Variants in EXOC4 observed in about 807,000 individuals in gnomAD.
The protein encoded by EXOC4 is SEC8-like 1.
Under a neutral mutation model 107.2 loss-of-function variants are expected in EXOC4, and 71 were observed. The observed-to-expected ratio is 0.66, with a 90% CI of 0.55 to 0.81. The LOEUF is 0.81. Among genes scored for constraint, EXOC4 ranks in the 30% least tolerant of loss-of-function variants. The probability of loss-of-function intolerance (pLI) is 0.00; values close to 1 mark genes in which losing one functional copy is unlikely to be tolerated. For missense variants in EXOC4, 1,108 were observed against 1,189.6 expected, an observed-to-expected ratio of 0.93 and a Z score of 1.01; for synonymous variants, 456 against 441.2, an observed-to-expected ratio of 1.03 and a Z score of -0.42.
chr7:133,877,023 C>G (rs568092758), intron 11 of EXOC4, among the ~76,000 whole-genome samples: 114 of 152,012 alleles, frequency 7.5e-4, no homozygotes, highest in Non-Finnish European at 1.3e-3. Flanking sequence ...TCTGCACCCC[C>G]CACCCCCAGT....
intron 17 of EXOC4, among the ~76,000 whole-genome samples, chr7:134,018,789 T>G (rs952172527): frequency 1.3e-5 from 2 of 152,190 alleles, no homozygotes; most frequent in African/African-American, 2.4e-5. Flanking sequence ...GTATTTTGTT[T>G]ATTTGGTTTC....
chr7:133,832,236 T>A (rs1307345420), intron 11 of EXOC4, among the ~76,000 whole-genome samples: 1 of 152,232 alleles, frequency 6.6e-6, no homozygotes, highest in Non-Finnish European at 1.5e-5. Flanking sequence ...AGACATTGTT[T>A]TACACATTTG....
chr7:133,737,909 CTTT>C (rs10673346), intron 10 of EXOC4, among the ~76,000 whole-genome samples: 351 of 89,326 alleles, frequency 3.9e-3, no homozygotes, highest in Middle Eastern at 0.013. Context: ...ATTTTTCTTT[CTTT>C]TTTTTTTTTT....
chr7:133,856,489 G>T (rs1000546791), intron 11 of EXOC4, among the ~76,000 whole-genome samples: 1 of 152,216 alleles, frequency 6.6e-6, no homozygotes, highest in Non-Finnish European at 1.5e-5. Flanking sequence ...AATTCCTTGA[G>T]TATGGAGAGA....
chr7:133,674,426 A>C (rs1268661741), intron 10 of EXOC4, among the ~76,000 whole-genome samples: 1 of 152,180 alleles, frequency 6.6e-6, no homozygotes, highest in Non-Finnish European at 1.5e-5. Context: ...TTTTATCACG[A>C]TAATTACATT....
intron 7 of EXOC4, among the ~76,000 whole-genome samples, chr7:133,449,186 G>T (rs1798285094): frequency 6.6e-6 from 1 of 152,144 alleles, no homozygotes; most frequent in African/African-American, 2.4e-5. Flanking sequence ...AATGATGGAG[G>T]CAGAGATTAG....
chr7:133,476,024 A>G (rs1799004360), intron 8 of EXOC4, among the ~76,000 whole-genome samples: 2 of 152,252 alleles, frequency 1.3e-5, no homozygotes, highest in South Asian at 4.2e-4. Context: ...AATAACTTCA[A>G]TAGTAACAAC....
rs148673934 is a variant in EXOC4, at chr7:133,362,732, GGA to G, written c.1007+6162_1007+6163del. Among the ~76,000 whole-genome samples, 888 of 152,266 alleles carry G rather than the reference GGA, an allele frequency of 5.8e-3. 9 individuals carry two copies. The highest frequency in any genetic ancestry group is 0.02 in the African/African-American group (825 of 41,556). ...TAGTATGAATACAATGTTTATGGAA[GGA>G]GAAATAAATGAAATATTGCTCATGA... On this transcript the variant is annotated intron_variant, in intron 6 of 17. Transcript: ENST00000253861.
chr7:133,335,306 G>A (rs1174066448), intron 5 of EXOC4, among the ~76,000 whole-genome samples: 1 of 152,114 alleles, frequency 6.6e-6, no homozygotes, highest in Non-Finnish European at 1.5e-5. Context: ...CCAATCTCCA[G>A]AAATATCTCA....
chr7:134,075,761 G>A, the EXOC4 span, among the ~76,000 whole-genome samples: 26 of 152,242 alleles, frequency 1.7e-4, no homozygotes, highest in East Asian at 5.0e-3. Context: ...ATGAGTAGAA[G>A]GGTGTCACTT....
chr7:133,326,801 C>G (rs1018173157), intron 5 of EXOC4, among the ~76,000 whole-genome samples: 4 of 152,212 alleles, frequency 2.6e-5, no homozygotes, highest in African/African-American at 9.6e-5. Context: ...GCCCTGCCCC[C>G]AGAGGTGCAG....
At chr7:133,675,130 A>C (rs1023775752) in intron 10 of EXOC4, among the ~76,000 whole-genome samples, 1 of 152,280 alleles carries the variant, frequency 6.6e-6, no homozygotes, top group Non-Finnish European at 1.5e-5. Context: ...CACCCATGGA[A>C]AACCCTTAGT....
At chr7:133,388,480 T>C (rs1236341444) in intron 7 of EXOC4, among the ~76,000 whole-genome samples, 1 of 152,060 alleles carries the variant, frequency 6.6e-6, no homozygotes, top group Admixed American at 6.6e-5. Context: ...TGAAACCCTG[T>C]TTCTACTAAA....
At chr7:133,791,624 G>A (rs1399489067) in intron 10 of EXOC4, among the ~76,000 whole-genome samples, 2 of 152,188 alleles carry the variant, frequency 1.3e-5, no homozygotes, top group African/African-American at 2.4e-5. Context: ...GTCCATGAGA[G>A]CAAATTAGTA....
intron 11 of EXOC4, among the ~76,000 whole-genome samples, chr7:133,830,866 G>A (rs1179877602): frequency 6.6e-6 from 1 of 152,040 alleles, no homozygotes; most frequent in Non-Finnish European, 1.5e-5. Context: ...CTTGCTGTTC[G>A]GGATACCACA....
chr7:133,717,052 T>A (rs1033107032), intron 10 of EXOC4, among the ~76,000 whole-genome samples: 3 of 152,260 alleles, frequency 2.0e-5, no homozygotes, highest in African/African-American at 7.2e-5. Flanking sequence ...GCAAGAAATT[T>A]AGTTTTTCTT....
intron 11 of EXOC4, among the ~76,000 whole-genome samples, chr7:133,817,876 A>C (rs1797412162): frequency 6.6e-6 from 1 of 152,188 alleles, no homozygotes; most frequent in African/African-American, 2.4e-5. Flanking sequence ...ATCCCTGAGT[A>C]TGAAGGATTA....
chr7:133,825,599 ACTT>A (rs1489468281), intron 11 of EXOC4, among the ~76,000 whole-genome samples: 8 of 152,282 alleles, frequency 5.3e-5, no homozygotes, highest in Non-Finnish European at 1.0e-4. Flanking sequence ...ACTGCCAGTA[ACTT>A]CTTCTGGTTT....
chr7:133,310,305 C>G (rs902461067), intron 4 of EXOC4, among the ~76,000 whole-genome samples: 1 of 152,126 alleles, frequency 6.6e-6, no homozygotes, highest in African/African-American at 2.4e-5. Flanking sequence ...AATCTACCTG[C>G]ACAGTAAATC....
Sources: allele counts gnomAD v4.1 joint callset (sites outside exome capture counted in the v4.1 genomes callset), GRCh38; gene constraint gnomAD v4.1.1; transcripts MANE v1.5; gene names NCBI Gene and HGNC (gene_info 2026-07-23, HGNC 2026-07-21).